Variants in DLGAP2 observed in about 807,000 individuals in gnomAD.
DLGAP2 encodes DLG associated protein 2.
A neutral mutation model predicts 100.3 loss-of-function variants in DLGAP2; 26 were observed. The observed-to-expected ratio is 0.26, with a 90% CI of 0.19 to 0.36. The LOEUF is 0.36. DLGAP2 is among the 10% of genes least tolerant of loss of function. DLGAP2 has a pLI of 1.00. For missense variants in DLGAP2, 1,858 were observed against 1,453.2 expected, an observed-to-expected ratio of 1.28 and a Z score of -4.53; for synonymous variants, 886 against 630.1, an observed-to-expected ratio of 1.41 and a Z score of -6.08.
At chr8:781,453 G>A (rs1821684759) in intron 1 of DLGAP2, among the ~76,000 whole-genome samples, 1 of 151,808 alleles carries the variant, frequency 6.6e-6, no homozygotes, top group African/African-American at 2.4e-5. Flanking sequence ...TGCTTAAAAT[G>A]CAAACCTGAA....
At chr8:1,652,596 G>T (rs1475405423) in intron 8 of DLGAP2, among the ~76,000 whole-genome samples, 1 of 152,120 alleles carries the variant, frequency 6.6e-6, no homozygotes, top group Non-Finnish European at 1.5e-5. Context: ...CCTCTGTCAG[G>T]TCAACGACAC....
At chr8:836,839 C>T (rs1337371199) in intron 1 of DLGAP2, among the ~76,000 whole-genome samples, 1 of 152,188 alleles carries the variant, frequency 6.6e-6, no homozygotes, top group Non-Finnish European at 1.5e-5. Context: ...ACCGAAGGAC[C>T]ATACCAGACT....
intron 2 of DLGAP2, among the ~76,000 whole-genome samples, chr8:945,806 C>T (rs150136972): frequency 2.5e-4 from 38 of 152,152 alleles, no homozygotes; most frequent in Admixed American, 4.6e-4. Flanking sequence ...CTCCCTCTCT[C>T]GCTCCCTCGC....
At chr8:1,584,020 C>G (rs773364279) in intron 6 of DLGAP2, among the ~76,000 whole-genome samples, 1 of 152,110 alleles carries the variant, frequency 6.6e-6, no homozygotes, top group Non-Finnish European at 1.5e-5. Context: ...AGCATATTTC[C>G]TCACTGCTCG....
At chr8:1,232,494 C>G (rs1052808119) in intron 2 of DLGAP2, among the ~76,000 whole-genome samples, 2 of 152,234 alleles carry the variant, frequency 1.3e-5, no homozygotes, top group African/African-American at 2.4e-5. Context: ...CGTCTCGAAC[C>G]TCACGTCAAC....
At chr8:1,271,113 A>T (rs2116929595) in intron 3 of DLGAP2, among the ~76,000 whole-genome samples, 1 of 152,308 alleles carries the variant, frequency 6.6e-6, no homozygotes, top group South Asian at 2.1e-4. Flanking sequence ...ACTAACCATT[A>T]CCAAATTAAA....
chr8:1,219,967 G>C (rs1798285148), intron 2 of DLGAP2, among the ~76,000 whole-genome samples: 1 of 151,746 alleles, frequency 6.6e-6, no homozygotes, highest in Non-Finnish European at 1.5e-5. Context: ...TATCCCCTTT[G>C]TCATTTCTGA....
chr8:1,654,694 T>C (rs1334196611), intron 8 of DLGAP2, among the ~76,000 whole-genome samples: 2 of 151,346 alleles, frequency 1.3e-5, no homozygotes, highest in South Asian at 2.1e-4. Flanking sequence ...TGGAACATAA[T>C]TGTGTCCTAC....
chr8:1,691,421 C>A lies in DLGAP2; in HGVS notation c.2705-114C>A, dbSNP rs1183447482. Reference sequence around the variant, plus strand: ...GCGAACACGCTCGGCACGATGAAGTCGTCAGTTTTCATCTCCAGTGGGACT... The same window carrying A: ...GCGAACACGCTCGGCACGATGAAGTAGTCAGTTTTCATCTCCAGTGGGACT... On this transcript the variant is annotated intron_variant, in intron 12 of 14. Coordinates refer to ENST00000637795, the MANE Select transcript of DLGAP2 (RefSeq NM_001346810.2). The A allele has an allele frequency of 9.6e-6, 8 of 836,280 alleles. No individual in the cohort carries two copies. The African/African-American group carries it at 1.0e-4, about 11-fold the overall frequency. The allele number at this position is 836,280 out of a possible 1,614,324, so 51.8% of individuals were successfully genotyped here.
At chr8:1,458,153 G>T (rs994885029) in intron 3 of DLGAP2, among the ~76,000 whole-genome samples, 2 of 151,158 alleles carry the variant, frequency 1.3e-5, no homozygotes, top group African/African-American at 2.4e-5. Flanking sequence ...TGATCCACCC[G>T]CCTCGGCCTC....
chr8:1,357,599 G>T (rs546034259), intron 3 of DLGAP2, among the ~76,000 whole-genome samples: 1 of 152,168 alleles, frequency 6.6e-6, no homozygotes, highest in African/African-American at 2.4e-5. Context: ...CAGTTCCCTG[G>T]AAAGCACGCT....
At chr8:1,683,423 G>A (rs890846831) in intron 12 of DLGAP2, among the ~76,000 whole-genome samples, 3 of 151,362 alleles carry the variant, frequency 2.0e-5, no homozygotes, top group African/African-American at 4.8e-5. Flanking sequence ...CTGTGGGGAG[G>A]GTCTGTGCTA....
chr8:1,662,463 C>T (rs985298537), intron 8 of DLGAP2, among the ~76,000 whole-genome samples: 1 of 152,324 alleles, frequency 6.6e-6, no homozygotes, highest in African/African-American at 2.4e-5. Flanking sequence ...CTGACGTGCA[C>T]TCTTGGACCC....
chr8:749,065 T>A (rs1156467067), intron 1 of DLGAP2, among the ~76,000 whole-genome samples: 2 of 152,222 alleles, frequency 1.3e-5, no homozygotes, highest in Admixed American at 6.5e-5. Context: ...AGGGGCATCA[T>A]CATAGCTCAG....
chr8:1,139,630 C>G (rs1227112940), intron 2 of DLGAP2, among the ~76,000 whole-genome samples: 1 of 152,170 alleles, frequency 6.6e-6, no homozygotes, highest in Admixed American at 6.5e-5. Context: ...AGGAAGCCCA[C>G]AGGTCACTAA....
intron 3 of DLGAP2, among the ~76,000 whole-genome samples, chr8:1,470,722 G>C (rs75714969): frequency 0.011 from 1,496 of 135,430 alleles, 68 homozygotes; most frequent in African/African-American, 0.042. Context: ...AGGCATCACC[G>C]ACCACGGCCT....
intron 2 of DLGAP2, among the ~76,000 whole-genome samples, chr8:1,068,472 C>T (rs1219622194): frequency 6.6e-6 from 1 of 152,196 alleles, no homozygotes; most frequent in African/African-American, 2.4e-5. Flanking sequence ...GCTGTCTGTG[C>T]TGGGTTTTGG....
rs764279164 is a variant in DLGAP2, at chr8:750,318, C to T, written c.18+12493C>T. 9.9e-5 allele frequency among the ~76,000 whole-genome samples: 15 copies of T among 152,042 alleles called. 1 individual carries two copies. Among genetic ancestry groups the T allele is most frequent in the Admixed American group, 3.9e-4 (6 of 15,270 alleles). ...TTGTGCAGAGTGGGCTCAGGGAGGA[C>T]GTCACAGGAAAAGTAACAAAAGAAA... On this transcript the variant is annotated intron_variant, in intron 1 of 14. Transcript: ENST00000637795.
intron 3 of DLGAP2, chr8:1,297,111 T>C (rs1460035688): frequency 2.0e-5 from 3 of 152,214 alleles, no homozygotes; most frequent in Admixed American, 6.5e-5. Context: ...TCTCCCTCTT[T>C]GCTGCGTGGT....
Sources: allele counts gnomAD v4.1 joint callset (sites outside exome capture counted in the v4.1 genomes callset), GRCh38; gene constraint gnomAD v4.1.1; transcripts MANE v1.5; gene names NCBI Gene and HGNC (gene_info 2026-07-23, HGNC 2026-07-21).